PCNX2: variants seen among roughly 807,000 people sequenced by gnomAD.
PCNX2 encodes the protein pecanex-like protein 2.
Under a neutral mutation model 223.8 loss-of-function variants are expected in PCNX2, and 168 were observed. That is an observed-to-expected ratio of 0.75 (90% CI 0.66 to 0.85). The LOEUF (loss-of-function observed/expected upper bound fraction) is 0.85, where lower values mean the gene tolerates loss of function less well. Among genes scored for constraint, PCNX2 ranks in the 40% least tolerant of loss-of-function variants. The probability of loss-of-function intolerance (pLI) is 0.00; values close to 1 mark genes in which losing one functional copy is unlikely to be tolerated. For missense variants in PCNX2, 2,507 were observed against 2,675.5 expected, an observed-to-expected ratio of 0.94 and a Z score of 1.39; for synonymous variants, 1,006 against 1,052.6, an observed-to-expected ratio of 0.96 and a Z score of 0.86.
chr1:233,202,945 T>C (rs4649442), intron 13 of PCNX2, among the ~76,000 whole-genome samples: 30,855 of 152,092 alleles, frequency 0.2, 3,646 homozygotes, highest in East Asian at 0.54. Context: ...AAGCAACCTA[T>C]TCTACGGTAG....
chr1:233,015,999 A>G (rs1442353842), intron 27 of PCNX2, among the ~76,000 whole-genome samples: 4 of 152,234 alleles, frequency 2.6e-5, no homozygotes, highest in Non-Finnish European at 5.9e-5. Flanking sequence ...CCATCTGAGG[A>G]ATGGACAGAG....
At position 233,208,518 on chromosome 1, in the gene PCNX2, C is replaced by G. The variant is rs368175452; in HGVS notation, c.2863G>C (p.Val955Leu). Residue 955 changes from valine (V) to leucine (L), a missense_variant and splice_region_variant, in exon 13 of 34, where the codon GTA (valine) becomes CTA (leucine). Around this residue, in one of 3 missense-constraint regions of PCNX2, gnomAD observed 104 missense variants for 144.4 expected, o/e 0.72. Coordinates refer to ENST00000258229, the MANE Select transcript of PCNX2 (RefSeq NM_014801.4). The stretch of plus-strand genomic sequence containing the variant: ...CCCCACAACCCCATAATTAACTCAC[C>G]TATTAAGTAGTCCCTAGCTGATTGT... ...FLQSARDYLI[V>L]FLYCFPAISL... 6.2e-7 allele frequency: 1 copy of G among 1,612,174 alleles called. No homozygotes were observed. Among genetic ancestry groups the G allele is most frequent in the Non-Finnish European group, 8.5e-7 (1 of 1,178,762 alleles).
At chr1:233,268,834 A>C (rs1660482747) in intron 1 of PCNX2, among the ~76,000 whole-genome samples, 1 of 152,074 alleles carries the variant, frequency 6.6e-6, no homozygotes, top group East Asian at 1.9e-4. Flanking sequence ...ACTTCTGATG[A>C]GTGATTTGGG....
chr1:233,077,444 C>T (rs1673145415), intron 23 of PCNX2, among the ~76,000 whole-genome samples: 2 of 152,196 alleles, frequency 1.3e-5, no homozygotes, highest in African/African-American at 4.8e-5. Flanking sequence ...AAGCCTTCCC[C>T]AGTGGCTCCT....
intron 23 of PCNX2, 115 bp downstream of exon 23, chr1:233,089,945 TG>T (rs1160721998): frequency 6.5e-7 from 1 of 1,527,290 alleles, no homozygotes; most frequent in African/African-American, 1.4e-5. Context: ...AGGTTTGGCC[TG>T]GCCCCACAGC....
intron 25 of PCNX2, among the ~76,000 whole-genome samples, chr1:233,037,259 C>T (rs147848675): frequency 5.3e-5 from 8 of 152,116 alleles, no homozygotes; most frequent in Admixed American, 5.2e-4. Flanking sequence ...TTCTTTATTA[C>T]CTTAGTGGCA....
At chr1:233,179,591 G>A (rs537943752) in intron 15 of PCNX2, among the ~76,000 whole-genome samples, 1 of 152,248 alleles carries the variant, frequency 6.6e-6, no homozygotes, top group South Asian at 2.1e-4. Context: ...AGATTAAATA[G>A]ACTAATGAAC....
intron 9 of PCNX2, 151 bp downstream of exon 9, chr1:233,236,694 T>G (rs569997863): frequency 2.7e-6 from 3 of 1,096,680 alleles, no homozygotes; most frequent in Non-Finnish European, 3.9e-6. Flanking sequence ...ATTCAGTCAG[T>G]AGACTGCCTT....
chr1:233,196,780 T>C (rs2102888053), intron 15 of PCNX2, among the ~76,000 whole-genome samples: 1 of 152,246 alleles, frequency 6.6e-6, no homozygotes, highest in African/African-American at 2.4e-5. Flanking sequence ...GTATAGAAAC[T>C]GGACAACAGT....
chr1:233,010,692 A>G (rs1051012720), intron 28 of PCNX2, among the ~76,000 whole-genome samples: 2 of 152,202 alleles, frequency 1.3e-5, no homozygotes, highest in African/African-American at 4.8e-5. Context: ...CTTAAATCTA[A>G]AAAATATAAG....
At chr1:233,167,575 A>C in intron 17 of PCNX2, 2 of 331,038 alleles carry the variant, frequency 6.0e-6, no homozygotes, top group Non-Finnish European at 8.6e-6. Flanking sequence ...CCACAAAAAC[A>C]AATAAAAATG....
At chr1:233,110,160 G>T (rs1675037790) in intron 21 of PCNX2, among the ~76,000 whole-genome samples, 1 of 151,958 alleles carries the variant, frequency 6.6e-6, no homozygotes, top group South Asian at 2.1e-4. Flanking sequence ...ATGAACAAAT[G>T]AATAAATAAA....
the PCNX2 span, among the ~76,000 whole-genome samples, chr1:233,314,460 C>T: frequency 6.6e-6 from 1 of 152,004 alleles, no homozygotes; most frequent in Non-Finnish European, 1.5e-5. Flanking sequence ...TAAGAGAACA[C>T]ACATACAAGT....
At chr1:233,158,436 A>G (rs538850724) in intron 19 of PCNX2, among the ~76,000 whole-genome samples, 3 of 152,220 alleles carry the variant, frequency 2.0e-5, no homozygotes, top group Admixed American at 1.3e-4. Context: ...AGGTATAGTC[A>G]TTGGTACAGG....
At chr1:233,307,333 T>C in the PCNX2 span, among the ~76,000 whole-genome samples, 21 of 152,290 alleles carry the variant, frequency 1.4e-4, no homozygotes, top group Admixed American at 3.9e-4. Context: ...GAGTGAGTTC[T>C]CACTCTTAGT....
the PCNX2 span, among the ~76,000 whole-genome samples, chr1:233,322,372 A>C: frequency 6.6e-6 from 1 of 152,126 alleles, no homozygotes. Flanking sequence ...TCCAAATGCC[A>C]GATTTGGGGG....
chr1:233,184,161 G>C (rs1199000131), intron 15 of PCNX2, among the ~76,000 whole-genome samples: 2 of 152,168 alleles, frequency 1.3e-5, no homozygotes, highest in Non-Finnish European at 2.9e-5. Flanking sequence ...CCCATACATA[G>C]GAAGACCCTG....
chr1:233,168,238 T>C (rs1331349068), intron 17 of PCNX2, among the ~76,000 whole-genome samples: 2 of 152,054 alleles, frequency 1.3e-5, no homozygotes, highest in Non-Finnish European at 1.5e-5. Context: ...CCCTAGAACA[T>C]AGAGAAGAGA....
rs143373375 is a variant in PCNX2, at chr1:233,139,881, GAAC to G, written c.3518-29_3518-27del. 2,029 of 1,602,256 alleles carry G rather than the reference GAAC, an allele frequency of 1.3e-3. 23 individuals are homozygous for G. In the African/African-American group the frequency reaches 0.025, roughly 20 times the overall value. On this transcript the variant is annotated intron_variant, in intron 19 of 33. Transcript: ENST00000258229. This position sits in a 1 kb window ranked among gnomAD's most constrained non-coding sequence, Gnocchi z 4.4. ...CTGAAAGAAATATAAAAACCACTTA[GAAC>G]AACCACCGATCAAAGTATTTTTCTT...
Sources: allele counts gnomAD v4.1 joint callset (sites outside exome capture counted in the v4.1 genomes callset), GRCh38; gene constraint gnomAD v4.1.1; regional missense constraint gnomAD v4.1.1; non-coding constraint Gnocchi (gnomAD v3.1); transcripts MANE v1.5; gene names NCBI Gene and HGNC (gene_info 2026-07-23, HGNC 2026-07-21).